Variants in MYO5A observed in about 807,000 individuals in gnomAD.
MYO5A encodes the protein myosin VA, also known as unconventional myosin-Va.
MYO5A carries 98 observed loss-of-function variants against 249.7 expected under a neutral mutation model. The observed-to-expected ratio is 0.39, with a 90% CI of 0.33 to 0.46. The LOEUF (loss-of-function observed/expected upper bound fraction) is 0.46. MYO5A is among the 20% of genes least tolerant of loss of function. MYO5A has a pLI of 0.98. For missense variants in MYO5A, 1,696 were observed against 2,308.8 expected (o/e 0.73, Z 5.44); for synonymous variants, 778 against 810.6 (o/e 0.96, Z 0.68).
At chr15:52,494,269 C>T (rs1800440138) in intron 1 of MYO5A, among the ~76,000 whole-genome samples, 1 of 152,104 alleles carries the variant, frequency 6.6e-6, no homozygotes, top group African/African-American at 2.4e-5. Flanking sequence ...ATCTGCTATC[C>T]AATATGAACA....
intron 1 of MYO5A, among the ~76,000 whole-genome samples, chr15:52,440,082 G>C (rs2075753961): frequency 6.6e-6 from 1 of 152,214 alleles, no homozygotes; most frequent in Admixed American, 6.5e-5. Context: ...GCAGCAATGA[G>C]GTAATTTTGA....
At chr15:52,358,256 C>T (rs991473105) in intron 25 of MYO5A, among the ~76,000 whole-genome samples, 3 of 152,204 alleles carry the variant, frequency 2.0e-5, no homozygotes, top group Admixed American at 6.5e-5. Flanking sequence ...ACCAGCAGAG[C>T]TGCTAAAGTG....
intron 25 of MYO5A, among the ~76,000 whole-genome samples, chr15:52,357,250 G>A (rs1312788764): frequency 6.6e-6 from 1 of 151,882 alleles, no homozygotes; most frequent in Non-Finnish European, 1.5e-5. Flanking sequence ...TATGAATGAT[G>A]TACATGTCCC....
intron 9 of MYO5A, among the ~76,000 whole-genome samples, chr15:52,404,448 C>CTA (rs2042908841): frequency 6.6e-6 from 1 of 151,912 alleles, no homozygotes; most frequent in Admixed American, 6.6e-5. Context: ...ACACAAGAGG[C>CTA]TATAGATCCA....
intron 40 of MYO5A, among the ~76,000 whole-genome samples, chr15:52,316,395 G>A (rs2038018264): frequency 6.6e-6 from 1 of 152,030 alleles, no homozygotes; most frequent in African/African-American, 2.4e-5. Context: ...TAAATTCAAT[G>A]CCCAGATTAA....
At chr15:52,426,680 G>C (rs569893885) in intron 3 of MYO5A, among the ~76,000 whole-genome samples, 1 of 152,092 alleles carries the variant, frequency 6.6e-6, no homozygotes, top group Non-Finnish European at 1.5e-5. Flanking sequence ...GCCCAGGCTT[G>C]AACTCCTGGG....
At chr15:52,392,103 T>C (rs756860976) in intron 11 of MYO5A, 33 bp from the exon 12 acceptor site, 1 of 1,591,526 alleles carries the variant, frequency 6.3e-7, no homozygotes, top group East Asian at 2.2e-5. Context: ...CAGTCATTAC[T>C]GGATCATTGT....
Position 52,379,867 on chromosome 15 carries a change from C to G in MYO5A, c.2054G>C (p.Gly685Ala). 6.2e-7 allele frequency: 1 copy of G among 1,614,160 alleles called. No individual in the cohort carries two copies. The highest frequency in any genetic ancestry group is 8.5e-7 in the Non-Finnish European group (1 of 1,180,014). Reference protein sequence around the residue: ...KRAVQQLRACGVLETIRISAA... With the variant: ...KRAVQQLRACAVLETIRISAA... The stretch of plus-strand genomic sequence containing the variant: ...ACTGATTCGGATGGTTTCCAGGACA[C>G]CACATGCTCTCAGCTGCTGCACTGC... Residue 685 changes from glycine to alanine, a missense_variant, in exon 17 of 42, where the codon GGT (glycine) becomes GCT (alanine). Coordinates refer to ENST00000399233, the MANE Select transcript of MYO5A (RefSeq NM_001382347.1).
intron 11 of MYO5A, among the ~76,000 whole-genome samples, chr15:52,393,859 G>A (rs2042370556): frequency 1.3e-5 from 2 of 152,064 alleles, no homozygotes; most frequent in South Asian, 4.2e-4. Flanking sequence ...CCTGACTGAT[G>A]GTACGAGTAT....
chr15:52,459,400 G>A (rs1308104863), intron 1 of MYO5A, among the ~76,000 whole-genome samples: 2 of 151,894 alleles, frequency 1.3e-5, no homozygotes, highest in Admixed American at 6.6e-5. Flanking sequence ...TCAAGCATCT[G>A]TTTAACAAAG....
chr15:52,514,692 G>T (rs1259466602), intron 1 of MYO5A, among the ~76,000 whole-genome samples: 1 of 152,120 alleles, frequency 6.6e-6, no homozygotes, highest in Non-Finnish European at 1.5e-5. Flanking sequence ...GCATCACCTG[G>T]GAGTTGTTAG....
At chr15:52,341,360 G>C (rs961055118) in intron 31 of MYO5A, among the ~76,000 whole-genome samples, 1 of 152,156 alleles carries the variant, frequency 6.6e-6, no homozygotes, top group Admixed American at 6.5e-5. Context: ...AACAAGATGT[G>C]GTTTTAGAAC....
intron 13 of MYO5A, among the ~76,000 whole-genome samples, chr15:52,388,997 A>T (rs930277018): frequency 2.7e-5 from 4 of 148,320 alleles, no homozygotes; most frequent in African/African-American, 9.9e-5. Context: ...ACGAGTTATT[A>T]AAAAAAAAAC....
At chr15:52,500,531 A>G (rs969751264) in intron 1 of MYO5A, among the ~76,000 whole-genome samples, 2 of 152,050 alleles carry the variant, frequency 1.3e-5, no homozygotes, top group South Asian at 2.1e-4. Context: ...TATTTTTAGT[A>G]GAAACGGGGT....
intron 1 of MYO5A, among the ~76,000 whole-genome samples, chr15:52,444,506 C>T (rs748305067): frequency 8.5e-5 from 13 of 152,154 alleles, no homozygotes; most frequent in Non-Finnish European, 1.9e-4. Context: ...AGTTAGATAA[C>T]TTGCCCCAAA....
intron 23 of MYO5A, among the ~76,000 whole-genome samples, chr15:52,366,659 C>T (rs916388499): frequency 2.4e-5 from 3 of 125,198 alleles, no homozygotes; most frequent in Middle Eastern, 6.3e-3. Flanking sequence ...AAAGACAATA[C>T]ACACACACAC....
intron 4 of MYO5A, among the ~76,000 whole-genome samples, chr15:52,418,095 CA>C (rs1354902764): frequency 6.6e-6 from 1 of 152,118 alleles, no homozygotes; most frequent in African/African-American, 2.4e-5. Flanking sequence ...ACATTCCAGG[CA>C]AAAGGGATAG....
rs1365877687 is a variant in MYO5A at position 52,423,573 on chromosome 15, A to G, written c.455+2257T>C. ...TCTTAAAAAAAAAAAAAAAGAAAAC[A>G]ATGGCAAGAAATGATCCTGCAGCAG... On this transcript the variant is annotated intron_variant, in intron 4 of 41. Coordinates refer to ENST00000399233, the MANE Select transcript of MYO5A (RefSeq NM_001382347.1). Among the ~76,000 whole-genome samples the G allele has an allele frequency of 7.2e-5, 11 of 151,968 alleles. No individual in the cohort carries two copies. The East Asian group carries it at 2.1e-3, about 29-fold the overall frequency.
chr15:52,313,927 C>G, intron 41 of MYO5A, 79 bp from the exon 42 acceptor site: 10 of 1,528,974 alleles, frequency 6.5e-6, no homozygotes, highest in Non-Finnish European at 9.0e-6. Flanking sequence ...AAATTTCTAC[C>G]CTCAAATTCT....
Sources: allele counts gnomAD v4.1 joint callset (sites outside exome capture counted in the v4.1 genomes callset), GRCh38; gene constraint gnomAD v4.1.1; transcripts MANE v1.5; gene names NCBI Gene and HGNC (gene_info 2026-07-23, HGNC 2026-07-21).